IPO4: variants seen among roughly 807,000 people sequenced by gnomAD.
The protein encoded by IPO4 is importin-4.
A neutral mutation model predicts 133.5 loss-of-function variants in IPO4; 91 were observed. The observed-to-expected ratio is 0.68, with a 90% CI of 0.58 to 0.81. IPO4 has a LOEUF of 0.81. Among genes scored for constraint, IPO4 ranks in the 30% least tolerant of loss-of-function variants. IPO4 has a pLI of 0.00. For synonymous variants in IPO4, 607 were observed against 581.6 expected, an observed-to-expected ratio of 1.04 and a Z score of -0.63; for missense variants, 1,279 against 1,386.2, an observed-to-expected ratio of 0.92 and a Z score of 1.23.
Position 24,183,978 on chromosome 14 carries a change from C to CCCCCCCCCCCCCCTGTGA in IPO4, c.1869+19_1869+20insTCACAGGGGGGGGGGGGG. 6.9e-7 allele frequency: 1 copy of CCCCCCCCCCCCCCTGTGA among 1,446,106 alleles called. No individual in the cohort carries two copies. Among genetic ancestry groups the CCCCCCCCCCCCCCTGTGA allele is most frequent in the South Asian group, 1.2e-5 (1 of 85,340 alleles). 89.6% of individuals were successfully genotyped at this position (1,446,106 alleles called of 1,614,324 possible). A position where few individuals can be genotyped will look rare whatever the true frequency, so the allele number is the denominator to read the frequency against. On this transcript the variant is annotated intron_variant, in intron 18 of 29. Coordinates refer to ENST00000354464, the MANE Select transcript of IPO4 (RefSeq NM_024658.4). ...CCATTGCAGGGCAGGCCTGGCCCAGCCCACCCACCCTTTGCTCACCACAAT... is the reference window on the plus strand; with the variant it reads ...CCATTGCAGGGCAGGCCTGGCCCAGCCCCCCCCCCCCCCTGTGACCACCCACCCTTTGCTCACCACAAT...
Position 24,181,372 on chromosome 14 carries a change from G to A in IPO4, c.3045+141C>T, listed in dbSNP as rs1037473681. On this transcript the variant is annotated intron_variant, in intron 28 of 29. Coordinates refer to ENST00000354464, the MANE Select transcript of IPO4 (RefSeq NM_024658.4). ...AGACAAATAAGAAATGGTGCAGGGA[G>A]TACCAAAAGAACAGCTGAAACTGTC... 4.5e-6 allele frequency: 3 copies of A among 671,530 alleles called. No individual in the cohort carries two copies. In the African/African-American group the frequency reaches 5.4e-5, roughly 12 times the overall value. 41.6% of individuals were successfully genotyped at this position (671,530 alleles called of 1,614,324 possible). A position where few individuals can be genotyped will look rare whatever the true frequency, so the allele number is the denominator to read the frequency against.
In IPO4 at chr14:24,187,747, T is replaced by G. The variant is rs759163235; in HGVS notation, c.328A>C (p.Lys110Gln). The change falls in exon 5 of 30, where the codon AAG (lysine) becomes CAG (glutamine). Residue 110 changes from lysine (K) to glutamine (Q), a missense_variant. Physicochemically the swap from Lys to Gln is moderately conservative, Grantham distance 53. Coordinates refer to ENST00000354464, the MANE Select transcript of IPO4 (RefSeq NM_024658.4). ...LAQLSATIFR[K>Q]EGLEAWPQLL... ...TGTGGCCAGGCCTCCAAGCCTTCCT[T>G]TCGAAAAATGGTGGCTGAGAGCTGG... The G allele has an allele frequency of 3.1e-6, 5 of 1,613,986 alleles. No homozygotes were observed. In the African/African-American group the frequency reaches 5.3e-5, roughly 17 times the overall value.
At chr14:24,183,190 A>G in intron 22 of IPO4, 21 bp from the exon 23 acceptor site, 1 of 1,609,838 alleles carries the variant, frequency 6.2e-7, no homozygotes, top group Non-Finnish European at 8.5e-7. Context: ...TATTGGCTGA[A>G]GCACCAGTCA....
In IPO4 at chr14:24,186,342, T is replaced by C. The variant is rs372661555; in HGVS notation, c.950A>G (p.Glu317Gly). ...QLDPEDQDSEEEELEIELMGE... is the reference protein window; with the variant it reads ...QLDPEDQDSEGEELEIELMGE... The stretch of plus-strand genomic sequence containing the variant: ...CATCAGCTCAATCTCCAACTCTTCC[T>C]CTTCTGAATCCTGGTCCTCGGGATC... Residue 317 changes from glutamate (E) to glycine (G), a missense_variant, in exon 10 of 30, where the codon GAG becomes GGG. Glu to Gly is a moderately conservative substitution (Grantham distance 98). Coordinates refer to ENST00000354464, the MANE Select transcript of IPO4 (RefSeq NM_024658.4). 17 of 1,612,846 alleles carry C rather than the reference T, an allele frequency of 1.1e-5. No homozygotes were observed. Among genetic ancestry groups the C allele is most frequent in the South Asian group, 6.6e-5 (6 of 90,860 alleles).
Position 24,186,682 on chromosome 14 carries a change from ATG to A in IPO4, c.840+24_840+25del, listed in dbSNP as rs1024899747. On this transcript the variant is annotated intron_variant, in intron 9 of 29. Coordinates refer to ENST00000354464, the MANE Select transcript of IPO4 (RefSeq NM_024658.4). Reference sequence around the variant, plus strand: ...TAAGGGTGGAGATGGGGGTGGGGTGATGTGTGTCAATGGGCACTCACTTACCT... The same window carrying A: ...TAAGGGTGGAGATGGGGGTGGGGTGATGTGTCAATGGGCACTCACTTACCT... The A allele has an allele frequency of 1.0e-5, 16 of 1,589,862 alleles. No individual in the cohort carries two copies. The African/African-American group carries it at 2.1e-4, about 21-fold the overall frequency.
In IPO4 at chr14:24,182,024, G is replaced by A; in HGVS notation, c.2738C>T (p.Pro913Leu). ...VLLSTAQEAD[P>L]EVRSNAIFGM... Reference sequence around the variant, plus strand: ...GAAGATGGCATTGCTTCGCACCTCGGGGTCTGCCTCTTGGGCGGTGCTCAA... The same window carrying A: ...GAAGATGGCATTGCTTCGCACCTCGAGGTCTGCCTCTTGGGCGGTGCTCAA... The change falls in exon 26 of 30, where the codon CCC (proline) becomes CTC (leucine). Residue 913 changes from proline to leucine, a missense_variant. Pro to Leu is a moderately conservative substitution (Grantham distance 98). Coordinates refer to ENST00000354464, the MANE Select transcript of IPO4 (RefSeq NM_024658.4). 6.2e-7 allele frequency: 1 copy of A among 1,613,462 alleles called. No homozygotes were observed. The highest frequency in any genetic ancestry group is 8.5e-7 in the Non-Finnish European group (1 of 1,180,040).
intron 11 of IPO4, 68 bp downstream of exon 11, chr14:24,186,061 G>T: frequency 6.3e-7 from 1 of 1,599,972 alleles, no homozygotes; most frequent in Non-Finnish European, 8.6e-7. Flanking sequence ...GGGTCTAAAC[G>T]TCGTTGGCCT....
At chr14:24,186,605 C>T in intron 9 of IPO4, 103 bp downstream of exon 9, 2 of 1,362,606 alleles carry the variant, frequency 1.5e-6, no homozygotes, top group Non-Finnish European at 2.0e-6. Context: ...GGCTTGAACC[C>T]CCACAGTACT....
In IPO4 at chr14:24,187,093, T is replaced by C. The variant is rs2039233864; in HGVS notation, c.646A>G (p.Ile216Val). Residue 216 changes from isoleucine to valine, a missense_variant, in exon 7 of 30, where the codon ATA becomes GTA. Around this residue, in one of 3 missense-constraint regions of IPO4, gnomAD observed 695 missense variants for 704.1 expected, o/e 0.99. Coordinates refer to ENST00000354464, the MANE Select transcript of IPO4 (RefSeq NM_024658.4). ...TGCCCACCTGTCCTCACCTCATCTA[T>C]GGGGATCAGAGTCTGCATGGCCATG... ...LIMAMQTLIP[I>V]DEAKACEALE... The C allele has an allele frequency of 3.7e-6, 6 of 1,614,026 alleles. No individual in the cohort carries two copies. Among genetic ancestry groups the C allele is most frequent in the Middle Eastern group, 1.6e-4 (1 of 6,062 alleles).
At position 24,181,849 on chromosome 14, in the gene IPO4, CCA is replaced by C; in HGVS notation, c.2808-8_2808-7del. On this transcript the variant is annotated splice_polypyrimidine_tract_variant and splice_region_variant and intron_variant, in intron 26 of 29. Coordinates refer to ENST00000354464, the MANE Select transcript of IPO4 (RefSeq NM_024658.4). ...CCAGCAGCTTGGGGAAGTGTCTGGT[CCA>C]CAGTCAAGGAATGGCCACACGCTCA... The C allele has an allele frequency of 1.9e-6, 3 of 1,598,230 alleles. No individual in the cohort carries two copies. The highest frequency in any genetic ancestry group is 1.3e-5 in the African/African-American group (1 of 74,820).
chr14:24,186,236 C>T (rs747484419), intron 10 of IPO4, 51 bp downstream of exon 10: 20 of 1,607,602 alleles, frequency 1.2e-5, no homozygotes, highest in African/African-American at 1.2e-4. Flanking sequence ...GCCTCCCCAA[C>T]GTCCCACAGC....
At position 24,185,497 on chromosome 14, in the gene IPO4, C is replaced by G; in HGVS notation, c.1240G>C (p.Ala414Pro). ...GAGAACTGGCCCAGGGCAAACAGCG[C>G]AGCATTGCGTACAACTTGCGAGGGG... ...EDPSQVVRNA[A>P]LFALGQFSEN... The change falls in exon 13 of 30, where the codon GCG (alanine) becomes CCG (proline). Residue 414 changes from alanine to proline, a missense_variant. Around this residue, in one of 3 missense-constraint regions of IPO4, gnomAD observed 695 missense variants for 704.1 expected, o/e 0.99. Transcript: ENST00000354464. The G allele has an allele frequency of 2.5e-6, 4 of 1,614,216 alleles. No homozygotes were observed. Among genetic ancestry groups the G allele is most frequent in the Non-Finnish European group, 3.4e-6 (4 of 1,180,028 alleles).
At chr14:24,188,307 C>T in intron 3 of IPO4, 37 bp downstream of exon 3, 1 of 1,612,946 alleles carries the variant, frequency 6.2e-7, no homozygotes, top group Non-Finnish European at 8.5e-7. Flanking sequence ...CAAGAAAAGT[C>T]TCCGCCTGGC....
chr14:24,181,977 G>A lies in IPO4; in HGVS notation c.2785C>T (p.His929Tyr). Residue 929 changes from histidine (H) to tyrosine (Y), a missense_variant, in exon 26 of 30, where the codon CAT (histidine) becomes TAT (tyrosine). Transcript: ENST00000354464. ...AIFGMGVLAE[H>Y]GGHPAQEHFP... ...TACTCCTGGGCAGGGTGGCCCCCAT[G>A]CTCTGCCAGCACGCCCATCCCGAAG... 1 of 1,611,710 alleles carries A rather than the reference G, an allele frequency of 6.2e-7. No homozygotes were observed. The highest frequency in any genetic ancestry group is 2.2e-5 in the East Asian group (1 of 44,876).
At position 24,183,479 on chromosome 14, in the gene IPO4, C is replaced by T. The variant is rs2039172446; in HGVS notation, c.2098G>A (p.Glu700Lys). 6.2e-7 allele frequency: 1 copy of T among 1,613,410 alleles called. No homozygotes were observed. The highest frequency in any genetic ancestry group is 2.2e-5 in the East Asian group (1 of 44,886). Residue 700 changes from glutamate (E) to lysine (K), a missense_variant, in exon 21 of 30, where the codon GAA (glutamate) becomes AAA (lysine). By Grantham distance (56) the Glu-to-Lys change is moderately conservative. Around this residue, in one of 3 missense-constraint regions of IPO4, gnomAD observed 575 missense variants for 653.4 expected, o/e 0.88. Coordinates refer to ENST00000354464, the MANE Select transcript of IPO4 (RefSeq NM_024658.4). ...ACCTCCAGCAGTTTAAATACTTCTTCAAAGACACTTTCCATGTATGGAAGG... is the reference window on the plus strand; with the variant it reads ...ACCTCCAGCAGTTTAAATACTTCTTTAAAGACACTTTCCATGTATGGAAGG... ...AFLPYMESVFEEVFKLLECPH... is the reference protein window; with the variant it reads ...AFLPYMESVFKEVFKLLECPH...
At position 24,188,646 on chromosome 14, in the gene IPO4, G is replaced by A. The variant is rs776909882; in HGVS notation, c.70-8C>T. 1.9e-6 allele frequency: 3 copies of A among 1,608,858 alleles called. No homozygotes were observed. The highest frequency in any genetic ancestry group is 2.5e-6 in the Non-Finnish European group (3 of 1,177,492). ...CTGGAGCTGTTCCGTGGCCTGGGGG[G>A]AAGCTAGGGGTGAGAGTTGGGCCTT... is the stretch of plus-strand genomic sequence containing the variant. On this transcript the variant is annotated splice_region_variant and splice_polypyrimidine_tract_variant and intron_variant, in intron 1 of 29. Transcript: ENST00000354464.
intron 12 of IPO4, 21 bp downstream of exon 12, chr14:24,185,840 C>T (rs369868460): frequency 6.9e-6 from 11 of 1,593,158 alleles, no homozygotes; most frequent in Non-Finnish European, 9.5e-6. Flanking sequence ...AACCCTCACC[C>T]TGGGACAGGG....
At position 24,184,759 on chromosome 14, in the gene IPO4, C is replaced by T. The variant is rs45484197; in HGVS notation, c.1527G>A (p.Thr509=). The T allele has an allele frequency of 0.058, 93,812 of 1,611,500 alleles. 5,104 individuals carry two copies. Among genetic ancestry groups the T allele is most frequent in the East Asian group, 0.36 (16,004 of 44,802 alleles). The part of the protein sequence containing the change: ...LAVSALGAIA[T]AAQASLLPYF... ...AGGGCAGCAGCGAGGCCTGGGCAGC[C>T]GTAGCTGCAGGATGGAAGGACAGAA... is the stretch of plus-strand genomic sequence containing the variant. The change falls in exon 16 of 30, where the codon ACG becomes ACA. Residue 509 remains threonine, a synonymous_variant. Coordinates refer to ENST00000354464, the MANE Select transcript of IPO4 (RefSeq NM_024658.4).
At chr14:24,185,609 C>T (rs966627482) in intron 12 of IPO4, 42 bp from the exon 13 acceptor site, 8 of 1,531,804 alleles carry the variant, frequency 5.2e-6, no homozygotes, top group Non-Finnish European at 7.2e-6. Flanking sequence ...AGAAGCTACA[C>T]CTGAGAGCCC....
Sources: gnomAD v4.1 joint callset for allele counts on GRCh38, gnomAD v4.1.1 for gene constraint, gnomAD v4.1.1 regional missense constraint, MANE v1.5 for transcripts, NCBI Gene and HGNC (gene_info 2026-07-23, HGNC 2026-07-21) for gene names.